RAB27A: variants seen among roughly 807,000 people sequenced by gnomAD.
The protein encoded by RAB27A is ras-related protein Rab-27A.
In RAB27A, 17 loss-of-function variants were observed where a neutral mutation model predicts 20.8. The ratio of observed to expected loss-of-function variants is 0.82; its 90% CI spans 0.56 to 1.23. RAB27A has a LOEUF of 1.23. Among genes scored for constraint, RAB27A ranks in the 50% most tolerant of loss-of-function variants. The pLI is 0.00. For synonymous variants in RAB27A, 85 were observed against 92.8 expected, an observed-to-expected ratio of 0.92 and a Z score of 0.48; for missense variants, 277 against 266.7, an observed-to-expected ratio of 1.04 and a Z score of -0.27.
chr15:55,239,917 A>C (rs1896413823), intron 2 of RAB27A, among the ~76,000 whole-genome samples: 1 of 152,172 alleles, frequency 6.6e-6, no homozygotes, highest in Non-Finnish European at 1.5e-5. Context: ...CCAGTTAGTG[A>C]AAGCCTGGAG....
chr15:55,216,560 A>G (rs1895314646), intron 6 of RAB27A, among the ~76,000 whole-genome samples: 1 of 152,092 alleles, frequency 6.6e-6, no homozygotes, highest in Non-Finnish European at 1.5e-5. Flanking sequence ...CTCAGAATAC[A>G]TCATCCCAAA....
chr15:55,303,770 C>G (rs2054985445), intron 2 of RAB27A, among the ~76,000 whole-genome samples: 1 of 135,316 alleles, frequency 7.4e-6, no homozygotes, highest in Admixed American at 6.9e-5. Context: ...GGCCAGCCGC[C>G]CCGTCCGGGA....
At chr15:55,231,913 A>AC (rs958770631) in intron 3 of RAB27A, among the ~76,000 whole-genome samples, 1 of 151,510 alleles carries the variant, frequency 6.6e-6, no homozygotes, top group Non-Finnish European at 1.5e-5. Flanking sequence ...AACAACAACA[A>AC]AAAAAAAATT....
In RAB27A at chr15:55,203,483, C is replaced by T. The variant is rs1423544130; in HGVS notation, c.*2024G>A. The T allele has an allele frequency of 4.1e-5, 6 of 146,616 alleles. No homozygotes were observed. Among genetic ancestry groups the T allele is most frequent in the Non-Finnish European group, 8.9e-5 (6 of 67,336 alleles). The allele number at this position is 146,616 out of a possible 1,614,324, so 9.1% of individuals were successfully genotyped here. The stretch of plus-strand genomic sequence containing the variant: ...AGGCTGGAGTGCAGTGGCGCAATCT[C>T]GGCTCACTGCAAGCTCCGCCTCCCA... On this transcript the variant is annotated 3_prime_UTR_variant, in exon 7 of 7. Coordinates refer to ENST00000336787, the MANE Select transcript of RAB27A (RefSeq NM_183235.3).
intron 2 of RAB27A, among the ~76,000 whole-genome samples, chr15:55,247,977 A>G (rs1361483197): frequency 7.1e-6 from 1 of 140,584 alleles, no homozygotes; most frequent in Non-Finnish European, 1.5e-5. Context: ...TCTGTGGCCC[A>G]GGCGTGAGTG....
intron 1 of RAB27A, among the ~76,000 whole-genome samples, chr15:55,282,207 G>A (rs964102505): frequency 1.3e-5 from 2 of 152,158 alleles, no homozygotes; most frequent in African/African-American, 4.8e-5. Context: ...TAGAATTTTG[G>A]ATTGTCCACA....
In RAB27A at chr15:55,243,145, G is replaced by A. The variant is rs201214217; in HGVS notation, c.-22-8189C>T. ...ATCCTGATGGGCTCTGCCAAGGACA[G>A]AAGTCATAAATTGGGAGCTTGTCTG... is the stretch of plus-strand genomic sequence containing the variant. On this transcript the variant is annotated intron_variant, in intron 2 of 6. Transcript: ENST00000336787. Among the ~76,000 whole-genome samples the A allele has an allele frequency of 2.0e-5, 3 of 152,278 alleles. No homozygotes were observed. In the East Asian group the frequency reaches 5.8e-4, roughly 29 times the overall value.
intron 6 of RAB27A, among the ~76,000 whole-genome samples, chr15:55,218,227 G>T (rs1021494997): frequency 6.6e-6 from 1 of 151,932 alleles, no homozygotes; most frequent in Non-Finnish European, 1.5e-5. Flanking sequence ...ACAGTCTGTT[G>T]GATGCTAATT....
At chr15:55,217,869 G>A (rs1895388056) in intron 6 of RAB27A, among the ~76,000 whole-genome samples, 2 of 151,814 alleles carry the variant, frequency 1.3e-5, no homozygotes, top group South Asian at 4.2e-4. Context: ...AGGCCATTTG[G>A]AGTACATGGA....
chr15:55,292,030 A>G (rs564230794), upstream of RAB27A, among the ~76,000 whole-genome samples: 1 of 152,260 alleles, frequency 6.6e-6, no homozygotes, highest in South Asian at 2.1e-4. Context: ...GAGCAGAGGG[A>G]AGGCCTGGAA....
At chr15:55,302,847 C>T (rs1183071303) in intron 2 of RAB27A, among the ~76,000 whole-genome samples, 3 of 141,802 alleles carry the variant, frequency 2.1e-5, no homozygotes, top group Non-Finnish European at 3.1e-5. Context: ...GCAACCACCC[C>T]GTCTGAGAAG....
intron 3 of RAB27A, among the ~76,000 whole-genome samples, chr15:55,234,197 T>TC (rs1386528153): frequency 8.5e-5 from 13 of 152,140 alleles, no homozygotes; most frequent in African/African-American, 3.1e-4. Flanking sequence ...CCTTCTGCCT[T>TC]CCCCTCCAAC....
chr15:55,252,413 C>T lies in RAB27A; in HGVS notation c.-22-17457G>A, dbSNP rs148795661. On this transcript the variant is annotated intron_variant, in intron 2 of 6. Coordinates refer to ENST00000336787, the MANE Select transcript of RAB27A (RefSeq NM_183235.3). ...GAGGCCAGGAGTTCAACAGCCTGGC[C>T]AACATGGGGAAACCCCATCTCTACT... Among the ~76,000 whole-genome samples the T allele has an allele frequency of 8.9e-4, 135 of 151,994 alleles. 1 individual carries two copies. The highest frequency in any genetic ancestry group is 4.2e-3 in the South Asian group (20 of 4,802).
chr15:55,210,068 G>GTATATGTA, intron 6 of RAB27A, among the ~76,000 whole-genome samples: 1 of 132,868 alleles, frequency 7.5e-6, no homozygotes, highest in Non-Finnish European at 1.6e-5. Context: ...ATATGTGTGT[G>GTATATGTA]TACATATACA....
chr15:55,284,555 G>A (rs578262695), intron 1 of RAB27A, among the ~76,000 whole-genome samples: 1 of 152,152 alleles, frequency 6.6e-6, no homozygotes, highest in Admixed American at 6.5e-5. Flanking sequence ...ACAGTTATGC[G>A]GCTCTCAGAG....
chr15:55,311,895 C>A (rs1595757829), intron 2 of RAB27A, among the ~76,000 whole-genome samples: 1 of 152,270 alleles, frequency 6.6e-6, no homozygotes, highest in African/African-American at 2.4e-5. Context: ...GGGGTCCTTA[C>A]TCCCAGAGCT....
chr15:55,206,364 T>C (rs972430332), intron 6 of RAB27A: 29 of 613,808 alleles, frequency 4.7e-5, no homozygotes, highest in Non-Finnish European at 5.7e-5. Context: ...TGGAGGGTTT[T>C]TTGTTTTGAG....
upstream of RAB27A, among the ~76,000 whole-genome samples, chr15:55,290,696 G>A (rs1898285957): frequency 6.6e-6 from 1 of 152,246 alleles, no homozygotes; most frequent in Admixed American, 6.5e-5. Flanking sequence ...GGACTGCGTA[G>A]GGGGTCAGAC....
intron 2 of RAB27A, among the ~76,000 whole-genome samples, chr15:55,310,447 G>A (rs2055015420): frequency 6.6e-6 from 1 of 152,168 alleles, no homozygotes; most frequent in South Asian, 2.1e-4. Flanking sequence ...TTCATCCCCT[G>A]GGGCAGTGGG....
Sources: allele counts gnomAD v4.1 joint callset (sites outside exome capture counted in the v4.1 genomes callset), GRCh38; gene constraint gnomAD v4.1.1; transcripts MANE v1.5; gene names NCBI Gene and HGNC (gene_info 2026-07-23, HGNC 2026-07-21).